The following CC2D2B variants were observed in gnomAD, a reference collection of about 807,000 sequenced individuals.
The protein encoded by CC2D2B is coiled-coil and C2 domain containing 2B, also known as protein CC2D2B.
In CC2D2B, 128 loss-of-function variants were observed where a neutral mutation model predicts 161.2. The ratio of observed to expected loss-of-function variants is 0.79; its 90% CI spans 0.69 to 0.92. The LOEUF (loss-of-function observed/expected upper bound fraction) is 0.92, where lower values mean the gene tolerates loss of function less well. Ranked by LOEUF, CC2D2B falls within the 40% of genes least tolerant of loss-of-function variation. The pLI, the probability that CC2D2B is intolerant of heterozygous loss-of-function variation, is 0.00. For missense variants in CC2D2B, 1,173 were observed against 1,375.1 expected (o/e 0.85, Z 2.32); for synonymous variants, 391 against 449.8 (o/e 0.87, Z 1.65).
intron 25 of CC2D2B, among the ~76,000 whole-genome samples, chr10:96,008,722 T>C (rs1590862537): frequency 6.6e-6 from 1 of 152,136 alleles, no homozygotes; most frequent in Admixed American, 6.6e-5. Context: ...TCTGTTCAAG[T>C]CTTTTGTCTA....
chr10:95,937,967 A>G, intron 6 of CC2D2B, 24 bp from the exon 7 acceptor site: 2 of 1,355,614 alleles, frequency 1.5e-6, no homozygotes, highest in Admixed American at 2.0e-5. Flanking sequence ...ATGTAAACTT[A>G]TTTTCCTTTT....
intron 1 of CC2D2B, among the ~76,000 whole-genome samples, 189 bp downstream of exon 1, chr10:95,908,246 G>A (rs2098499608): frequency 6.6e-6 from 1 of 152,240 alleles, no homozygotes. Context: ...TTGGGAATGA[G>A]TAGAATTGAA....
intron 34 of CC2D2B, among the ~76,000 whole-genome samples, chr10:96,028,553 G>C (rs1049005181): frequency 8.5e-5 from 13 of 152,140 alleles, no homozygotes; most frequent in Non-Finnish European, 1.5e-4. Context: ...AACCACTATC[G>C]AGAATAGTTT....
chr10:96,027,102 G>A (rs1363858829), intron 33 of CC2D2B, 110 bp from the exon 34 acceptor site: 2 of 761,392 alleles, frequency 2.6e-6, no homozygotes, highest in Non-Finnish European at 3.9e-6. Context: ...CAGCCTGGGG[G>A]ACAAGAGCGA....
intron 29 of CC2D2B, among the ~76,000 whole-genome samples, chr10:96,014,236 C>T (rs1405220629): frequency 6.6e-6 from 1 of 152,184 alleles, no homozygotes; most frequent in African/African-American, 2.4e-5. Context: ...TCACCCCCAT[C>T]TGAGTGAAGA....
At chr10:95,957,034 G>T (rs2141384375) in intron 11 of CC2D2B, among the ~76,000 whole-genome samples, 1 of 152,230 alleles carries the variant, frequency 6.6e-6, no homozygotes, top group East Asian at 1.9e-4. Context: ...GGCTTGGGTG[G>T]TAAATTGGGG....
intron 17 of CC2D2B, among the ~76,000 whole-genome samples, chr10:95,980,258 C>G (rs139521601): frequency 1.3e-5 from 2 of 152,152 alleles, no homozygotes; most frequent in East Asian, 3.9e-4. Context: ...CTGGTTTTGA[C>G]CCAAGAACAG....
chr10:95,937,189 G>T (rs1407057195), intron 6 of CC2D2B, among the ~76,000 whole-genome samples: 1 of 152,086 alleles, frequency 6.6e-6, no homozygotes, highest in Non-Finnish European at 1.5e-5. Flanking sequence ...GGATTATCTG[G>T]TCAAAGGAAT....
At position 95,986,912 on chromosome 10, in the gene CC2D2B, A is replaced by G. The variant is rs577081888; in HGVS notation, c.2287-1338A>G. On this transcript the variant is annotated intron_variant, in intron 19 of 34. Coordinates refer to ENST00000646931, the MANE Select transcript of CC2D2B (RefSeq NM_001349008.3). ...GTGCCTGGCCAGATTAATAAATTTT[A>G]TAACATTAAAATTAAAAACCTACAG... Among the ~76,000 whole-genome samples the G allele has an allele frequency of 3.5e-3, 526 of 152,314 alleles. 1 individual carries two copies. The highest frequency in any genetic ancestry group is 0.011 in the African/African-American group (467 of 41,568).
chr10:96,022,988 C>T (rs1159748537), intron 32 of CC2D2B, among the ~76,000 whole-genome samples: 4 of 152,118 alleles, frequency 2.6e-5, no homozygotes, highest in African/African-American at 4.8e-5. Context: ...GCAGGAACAG[C>T]GAATGGGAAG....
intron 5 of CC2D2B, among the ~76,000 whole-genome samples, chr10:95,926,814 C>CTGTGTGTGTGTGTG (rs1564585963): frequency 1.9e-3 from 92 of 47,740 alleles, no homozygotes; most frequent in African/African-American, 8.2e-3. Context: ...GCTGAGGTGG[C>CTGTGTGTGTGTGTG]AGTGTGTGTG....
chr10:95,939,557 G>C (rs536781304), intron 9 of CC2D2B, among the ~76,000 whole-genome samples: 3 of 152,166 alleles, frequency 2.0e-5, no homozygotes, highest in African/African-American at 7.2e-5. Context: ...ACTATATAGT[G>C]CCAAATGATT....
intron 2 of CC2D2B, among the ~76,000 whole-genome samples, chr10:95,916,063 G>T (rs781718814): frequency 2.0e-4 from 31 of 151,944 alleles, no homozygotes; most frequent in Non-Finnish European, 3.5e-4. Flanking sequence ...TTTTATTATG[G>T]CTTTGATCTT....
intron 34 of CC2D2B, among the ~76,000 whole-genome samples, chr10:96,030,319 CTCCTT>C (rs1436888435): frequency 3.3e-5 from 5 of 151,914 alleles, no homozygotes; most frequent in Non-Finnish European, 5.9e-5. Flanking sequence ...TGTTAGGGTG[CTCCTT>C]TCCTTCTCCT....
chr10:96,029,956 A>T (rs1335134554), intron 34 of CC2D2B, among the ~76,000 whole-genome samples: 1 of 151,826 alleles, frequency 6.6e-6, no homozygotes, highest in Non-Finnish European at 1.5e-5. Context: ...GGCTACAGGT[A>T]CTTGCCACCA....
intron 2 of CC2D2B, among the ~76,000 whole-genome samples, chr10:95,912,180 T>C (rs1252873385): frequency 6.6e-6 from 1 of 152,212 alleles, no homozygotes; most frequent in Admixed American, 6.5e-5. Context: ...GGTTAGCATG[T>C]ACAGTTGTTA....
chr10:95,974,293 T>A, intron 17 of CC2D2B, 137 bp downstream of exon 17: 1 of 428,304 alleles, frequency 2.3e-6, no homozygotes. Context: ...ATCTTTTATT[T>A]AAATCACTCT....
intron 18 of CC2D2B, among the ~76,000 whole-genome samples, chr10:95,983,191 T>G (rs1161025079): frequency 3.9e-5 from 6 of 152,248 alleles, no homozygotes; most frequent in Non-Finnish European, 7.3e-5. Flanking sequence ...CACATTTGCA[T>G]TTGTTGAATA....
intron 34 of CC2D2B, among the ~76,000 whole-genome samples, chr10:96,030,714 C>T (rs745477728): frequency 6.6e-5 from 10 of 152,056 alleles, no homozygotes; most frequent in Non-Finnish European, 1.0e-4. Flanking sequence ...CTTGCTGTTT[C>T]CTCATATGGT....
Sources: allele counts gnomAD v4.1 joint callset (sites outside exome capture counted in the v4.1 genomes callset), GRCh38; gene constraint gnomAD v4.1.1; transcripts MANE v1.5; gene names NCBI Gene and HGNC (gene_info 2026-07-23, HGNC 2026-07-21).